SEMA5A: variants seen among roughly 807,000 people sequenced by gnomAD.
The protein encoded by SEMA5A is semaphorin-5A.
SEMA5A carries 55 observed loss-of-function variants against 135.5 expected under a neutral mutation model. That is an observed-to-expected ratio of 0.41 (90% CI 0.33 to 0.51). SEMA5A has a LOEUF of 0.51. Among genes scored for constraint, SEMA5A ranks in the 20% least tolerant of loss-of-function variants. SEMA5A has a pLI of 0.37. For synonymous variants in SEMA5A, 580 were observed against 546.5 expected, an observed-to-expected ratio of 1.06 and a Z score of -0.85; for missense variants, 1,290 against 1,419.9, an observed-to-expected ratio of 0.91 and a Z score of 1.47.
Position 9,279,490 on chromosome 5 carries a change from G to A in SEMA5A, c.270+38882C>T, listed in dbSNP as rs553624283. On this transcript the variant is annotated intron_variant, in intron 5 of 22. Transcript: ENST00000382496. ...GAGATAAGAGTATGGGGGATTGTTGGGAAGCCCTGATTGTTTTGGAAATGT... is the reference window on the plus strand; with the variant it reads ...GAGATAAGAGTATGGGGGATTGTTGAGAAGCCCTGATTGTTTTGGAAATGT... Among the ~76,000 whole-genome samples the A allele has an allele frequency of 3.9e-5, 6 of 152,204 alleles. No homozygotes were observed. In the East Asian group the frequency reaches 1.2e-3, roughly 29 times the overall value.
At chr5:9,533,148 T>C (rs1311266488) in intron 1 of SEMA5A, among the ~76,000 whole-genome samples, 1 of 152,238 alleles carries the variant, frequency 6.6e-6, no homozygotes, top group Non-Finnish European at 1.5e-5. Context: ...GAGCCCATGA[T>C]ACTGTGGTGT....
At chr5:9,490,926 C>T (rs371721122) in intron 1 of SEMA5A, among the ~76,000 whole-genome samples, 2 of 152,216 alleles carry the variant, frequency 1.3e-5, no homozygotes, top group African/African-American at 2.4e-5. Context: ...GTGTCTTCTT[C>T]TAGATATACA....
chr5:9,098,192 G>A (rs1739428111), intron 16 of SEMA5A, among the ~76,000 whole-genome samples: 1 of 151,876 alleles, frequency 6.6e-6, no homozygotes, highest in Admixed American at 6.6e-5. Flanking sequence ...GCAGTGAACT[G>A]AGATCATGCC....
At chr5:9,194,133 A>G (rs1745262158) in intron 10 of SEMA5A, among the ~76,000 whole-genome samples, 1 of 152,158 alleles carries the variant, frequency 6.6e-6, no homozygotes, top group Non-Finnish European at 1.5e-5. Context: ...GATGTTTTAT[A>G]TCAGTGATTG....
At chr5:9,340,738 A>G (rs1483042691) in intron 3 of SEMA5A, among the ~76,000 whole-genome samples, 1 of 152,184 alleles carries the variant, frequency 6.6e-6, no homozygotes, top group Non-Finnish European at 1.5e-5. Flanking sequence ...AGTAATCTGC[A>G]TATTCCCTTC....
chr5:9,497,766 A>G (rs1300508629), intron 1 of SEMA5A, among the ~76,000 whole-genome samples: 1 of 152,232 alleles, frequency 6.6e-6, no homozygotes, highest in Non-Finnish European at 1.5e-5. Context: ...CTCAGCCATG[A>G]AGCTATTGCT....
chr5:9,467,143 C>T (rs1476669348), intron 1 of SEMA5A, among the ~76,000 whole-genome samples: 2 of 151,968 alleles, frequency 1.3e-5, no homozygotes, highest in East Asian at 1.9e-4. Context: ...GACGGAGTCT[C>T]GCTCTGTTGC....
chr5:9,259,268 G>A (rs1004941481), intron 5 of SEMA5A, among the ~76,000 whole-genome samples: 1 of 152,320 alleles, frequency 6.6e-6, no homozygotes, highest in East Asian at 1.9e-4. Flanking sequence ...AAGGTTTGTA[G>A]TACCAAATTT....
Position 9,265,884 on chromosome 5 carries a change from G to A in SEMA5A, c.271-27994C>T, listed in dbSNP as rs115453870. On this transcript the variant is annotated intron_variant, in intron 5 of 22. Transcript: ENST00000382496. The stretch of plus-strand genomic sequence containing the variant: ...CACCGTGTTTTCATGTTCAGGGCCT[G>A]GCATCTGAAAAATGCTAGGCGGAGA... Among the ~76,000 whole-genome samples the A allele has an allele frequency of 2.5e-3, 377 of 152,262 alleles. 4 individuals are homozygous for A. Among genetic ancestry groups the A allele is most frequent in the African/African-American group, 8.7e-3 (363 of 41,550 alleles).
intron 8 of SEMA5A, among the ~76,000 whole-genome samples, chr5:9,219,335 G>C (rs1045669280): frequency 6.6e-6 from 1 of 152,190 alleles, no homozygotes; most frequent in South Asian, 2.1e-4. Context: ...TCTGGAAAGA[G>C]AGGGAAGGAG....
chr5:9,467,867 G>A (rs1379773223), intron 1 of SEMA5A, among the ~76,000 whole-genome samples: 6 of 152,344 alleles, frequency 3.9e-5, no homozygotes, highest in Admixed American at 2.0e-4. Flanking sequence ...GCAGATGAAA[G>A]TTTTAAAGGT....
intron 1 of SEMA5A, among the ~76,000 whole-genome samples, chr5:9,492,767 A>C (rs1368924000): frequency 1.3e-5 from 2 of 152,196 alleles, no homozygotes; most frequent in Non-Finnish European, 2.9e-5. Context: ...GCCAATCTAA[A>C]AAGGCTACAT....
At chr5:9,350,948 C>G (rs146599736) in intron 3 of SEMA5A, among the ~76,000 whole-genome samples, 33 of 152,308 alleles carry the variant, frequency 2.2e-4, no homozygotes, top group African/African-American at 7.5e-4. Context: ...GACAGTGGTA[C>G]TGGAGACCAC....
rs1579676823 is a variant in SEMA5A at position 9,520,307 on chromosome 5, G to T, written c.-175+25277C>A. Among the ~76,000 whole-genome samples the T allele has an allele frequency of 2.0e-5, 3 of 152,376 alleles. No homozygotes were observed. The East Asian group carries it at 5.8e-4, about 29-fold the overall frequency. On this transcript the variant is annotated intron_variant, in intron 1 of 22. Transcript: ENST00000382496. ...TCGTGGGACCCACACTCCACGGGAG[G>T]AGGTAAACCACCAAATACATGAGTA...
rs1178742366 is a variant in SEMA5A at position 9,066,608 on chromosome 5, C to T, written c.2112G>A (p.Leu704=). 1 of 1,614,120 alleles carries T rather than the reference C, an allele frequency of 6.2e-7. No individual in the cohort carries two copies. Among genetic ancestry groups the T allele is most frequent in the Admixed American group, 1.7e-5 (1 of 60,020 alleles). Residue 704 remains leucine (L), a synonymous_variant, in exon 17 of 23, where the codon CTG becomes CTA. Coordinates refer to ENST00000382496, the MANE Select transcript of SEMA5A (RefSeq NM_003966.3). ...QSCNTNPCPE[L]KKTTPWTPWT... is the part of the protein sequence containing the mutation. ...AGGGTGTCCAGGGCGTGGTCTTCTTCAGCTCAGGACACGGGTTGGTGTTGC... is the reference window on the plus strand; with the variant it reads ...AGGGTGTCCAGGGCGTGGTCTTCTTTAGCTCAGGACACGGGTTGGTGTTGC...
intron 16 of SEMA5A, among the ~76,000 whole-genome samples, chr5:9,086,120 C>G (rs541994060): frequency 6.6e-6 from 1 of 152,204 alleles, no homozygotes; most frequent in African/African-American, 2.4e-5. Context: ...TTCAATTTTA[C>G]ACCCTCATAG....
chr5:9,449,449 T>C (rs1758554775), intron 1 of SEMA5A, among the ~76,000 whole-genome samples: 1 of 152,040 alleles, frequency 6.6e-6, no homozygotes, highest in Non-Finnish European at 1.5e-5. Context: ...TCAGGAAGCA[T>C]AGCTAATGGA....
chr5:9,119,209 A>G (rs1382213314), intron 14 of SEMA5A, 68 bp from the exon 15 acceptor site: 1 of 1,561,450 alleles, frequency 6.4e-7, no homozygotes, highest in East Asian at 2.3e-5. Context: ...GTCTGCACCC[A>G]CGGCCAAATG....
chr5:9,211,364 C>A (rs551164200), intron 8 of SEMA5A, among the ~76,000 whole-genome samples: 1 of 152,250 alleles, frequency 6.6e-6, no homozygotes, highest in South Asian at 2.1e-4. Context: ...TTTTGGTACC[C>A]ACATATACTT....
Sources: allele counts gnomAD v4.1 joint callset (sites outside exome capture counted in the v4.1 genomes callset), GRCh38; gene constraint gnomAD v4.1.1; transcripts MANE v1.5; gene names NCBI Gene and HGNC (gene_info 2026-07-23, HGNC 2026-07-21).